The following GRM1 variants were observed in gnomAD, a reference collection of about 807,000 sequenced individuals.
The protein encoded by GRM1 is metabotropic glutamate receptor 1.
GRM1 carries 33 observed loss-of-function variants against 90.9 expected under a neutral mutation model. That is an observed-to-expected ratio of 0.36 (90% confidence interval 0.28 to 0.49). The LOEUF (loss-of-function observed/expected upper bound fraction) is 0.49, where lower values mean the gene tolerates loss of function less well. GRM1 is among the 20% of genes least tolerant of loss of function. The pLI is 0.99. For synonymous variants in GRM1, 700 were observed against 613.2 expected, an observed-to-expected ratio of 1.14 and a Z score of -2.09; for missense variants, 1,190 against 1,534.3, an observed-to-expected ratio of 0.78 and a Z score of 3.75.
intron 2 of GRM1, among the ~76,000 whole-genome samples, chr6:146,250,365 G>A (rs1278951005): frequency 6.6e-6 from 1 of 152,158 alleles, no homozygotes; most frequent in East Asian, 1.9e-4. Flanking sequence ...AACCTAGTGG[G>A]AGGTGACCAG....
intron 2 of GRM1, among the ~76,000 whole-genome samples, chr6:146,253,129 G>A (rs1251480288): frequency 6.6e-6 from 1 of 152,110 alleles, no homozygotes; most frequent in Non-Finnish European, 1.5e-5. Context: ...ATCGTGGAAA[G>A]TGCATTGGGA....
At chr6:146,203,172 G>C (rs1035637040) in intron 2 of GRM1, among the ~76,000 whole-genome samples, 11 of 150,096 alleles carry the variant, frequency 7.3e-5, no homozygotes, top group Admixed American at 2.7e-4. Context: ...CCAGCCTGGG[G>C]GACAGAGAGA....
chr6:146,042,971 T>C (rs1791171487), intron 1 of GRM1, among the ~76,000 whole-genome samples: 1 of 152,020 alleles, frequency 6.6e-6, no homozygotes, highest in African/African-American at 2.4e-5. Context: ...CAGTGTCATC[T>C]GGGAGATCAT....
At chr6:146,290,736 A>G (rs1343760308) in intron 2 of GRM1, among the ~76,000 whole-genome samples, 2 of 152,160 alleles carry the variant, frequency 1.3e-5, no homozygotes, top group Non-Finnish European at 2.9e-5. Flanking sequence ...TTTCACAGGC[A>G]TAGATGGAGA....
At chr6:146,325,042 A>C (rs983534340) in intron 3 of GRM1, among the ~76,000 whole-genome samples, 1 of 152,202 alleles carries the variant, frequency 6.6e-6, no homozygotes, top group Admixed American at 6.5e-5. Context: ...CAGTGAATGA[A>C]ATATTCCGAG....
At chr6:146,053,016 C>T (rs1775349720) in intron 1 of GRM1, among the ~76,000 whole-genome samples, 1 of 152,014 alleles carries the variant, frequency 6.6e-6, no homozygotes, top group Admixed American at 6.6e-5. Context: ...TGTGACTAGA[C>T]ATTGCTAATT....
chr6:146,179,109 C>T lies in GRM1; in HGVS notation c.950+19512C>T, dbSNP rs184692461. On this transcript the variant is annotated intron_variant, in intron 2 of 7. Transcript: ENST00000282753. ...AGAGTACCAGACTATAAACCACTGG[C>T]GAATCTCAAATATACAAATTGGGAG... Among the ~76,000 whole-genome samples, 5 of 152,096 alleles carry T rather than the reference C, an allele frequency of 3.3e-5. No individual in the cohort carries two copies. The East Asian group carries it at 7.7e-4, about 24-fold the overall frequency.
At chr6:146,210,047 A>G (rs1401484877) in intron 2 of GRM1, among the ~76,000 whole-genome samples, 4 of 152,142 alleles carry the variant, frequency 2.6e-5, no homozygotes, top group Non-Finnish European at 5.9e-5. Context: ...TTATTTTTGA[A>G]TGCAGGATGG....
chr6:146,389,528 T>G (rs941366799), intron 6 of GRM1, among the ~76,000 whole-genome samples: 2 of 152,160 alleles, frequency 1.3e-5, no homozygotes, highest in African/African-American at 4.8e-5. Context: ...CACTGCCAAA[T>G]GCTCATTTCC....
At chr6:146,212,285 A>G (rs1779709325) in intron 2 of GRM1, among the ~76,000 whole-genome samples, 1 of 152,244 alleles carries the variant, frequency 6.6e-6, no homozygotes. Flanking sequence ...ACATGTCAGC[A>G]TATAACTGAT....
intron 2 of GRM1, among the ~76,000 whole-genome samples, chr6:146,264,751 T>G (rs896214971): frequency 6.6e-6 from 1 of 152,190 alleles, no homozygotes; most frequent in African/African-American, 2.4e-5. Flanking sequence ...TGTGTGCCCA[T>G]TGCTTAGCTC....
chr6:146,245,773 G>A (rs1781039419), intron 2 of GRM1, among the ~76,000 whole-genome samples: 1 of 152,072 alleles, frequency 6.6e-6, no homozygotes, highest in African/African-American at 2.4e-5. Context: ...TTTTCTAATA[G>A]CTATAAACCA....
intron 1 of GRM1, among the ~76,000 whole-genome samples, chr6:146,042,138 A>G (rs1180300725): frequency 2.6e-5 from 4 of 152,044 alleles, no homozygotes; most frequent in African/African-American, 7.2e-5. Context: ...AAAAGTCTCT[A>G]TCTTTTAATA....
Position 146,434,317 on chromosome 6 carries a change from G to A in GRM1, c.3106G>A (p.Gly1036Arg), listed in dbSNP as rs1160404247. The A allele has an allele frequency of 6.2e-7, 1 of 1,610,670 alleles. No individual in the cohort carries two copies. The highest frequency in any genetic ancestry group is 8.5e-7 in the Non-Finnish European group (1 of 1,177,590). ...GAAATCGCTGATGGACCAGCTCCAGGGAGTGGTCAGCAACTTCAGTACCGC... is the reference window on the plus strand; with the variant it reads ...GAAATCGCTGATGGACCAGCTCCAGAGAGTGGTCAGCAACTTCAGTACCGC... ...QQKSLMDQLQ[G>R]VVSNFSTAIP... Residue 1036 changes from glycine (G) to arginine (R), a missense_variant, in exon 8 of 8, where the codon GGA becomes AGA. By Grantham distance (125) the Gly-to-Arg change is moderately radical. This residue lies in a region of GRM1 where 400 missense variants were observed against 360.8 expected (regional missense o/e 1.11). Transcript: ENST00000282753.
At chr6:146,326,671 GT>G (rs1312898728) in intron 3 of GRM1, among the ~76,000 whole-genome samples, 1 of 152,114 alleles carries the variant, frequency 6.6e-6, no homozygotes, top group Non-Finnish European at 1.5e-5. Flanking sequence ...TAAATATACT[GT>G]GCAGCAATCT....
intron 2 of GRM1, among the ~76,000 whole-genome samples, chr6:146,284,688 G>A (rs1339757351): frequency 1.3e-5 from 2 of 152,058 alleles, no homozygotes; most frequent in Admixed American, 6.6e-5. Context: ...TCCCCCATGT[G>A]CTCTCTGTCT....
intron 1 of GRM1, among the ~76,000 whole-genome samples, chr6:146,123,243 A>G (rs980817381): frequency 4.6e-5 from 7 of 152,168 alleles, no homozygotes; most frequent in African/African-American, 1.7e-4. Flanking sequence ...ATACTTTTGT[A>G]TTTCTAATTG....
intron 7 of GRM1, among the ~76,000 whole-genome samples, chr6:146,404,643 G>A (rs2114603741): frequency 6.6e-6 from 1 of 152,290 alleles, no homozygotes; most frequent in Non-Finnish European, 1.5e-5. Flanking sequence ...AAATGTTAAT[G>A]CACTTTCATG....
chr6:146,358,774 A>T, intron 5 of GRM1, among the ~76,000 whole-genome samples: 1 of 152,212 alleles, frequency 6.6e-6, no homozygotes, highest in East Asian at 1.9e-4. Flanking sequence ...AACCTGTACC[A>T]GCTTTTGGCA....
Sources: allele counts gnomAD v4.1 joint callset (sites outside exome capture counted in the v4.1 genomes callset), GRCh38; gene constraint gnomAD v4.1.1; regional missense constraint gnomAD v4.1.1; transcripts MANE v1.5; gene names NCBI Gene and HGNC (gene_info 2026-07-23, HGNC 2026-07-21).